Variants in SLC26A6 observed in about 807,000 individuals in gnomAD.
SLC26A6 encodes anion exchange transporter.
SLC26A6 carries 67 observed loss-of-function variants against 87.1 expected under a neutral mutation model. That is an observed-to-expected ratio of 0.77 (90% CI 0.63 to 0.94). The LOEUF (loss-of-function observed/expected upper bound fraction) is 0.94. Among genes scored for constraint, SLC26A6 ranks in the 40% least tolerant of loss-of-function variants. The pLI is 0.00. For missense variants in SLC26A6, 902 were observed against 973.0 expected (o/e 0.93, Z 0.97); for synonymous variants, 414 against 405.9 (o/e 1.02, Z -0.24).
chr3:48,632,065 G>C (rs772644086), intron 5 of SLC26A6, 21 bp from the exon 6 acceptor site: 1 of 1,612,352 alleles, frequency 6.2e-7, no homozygotes, highest in South Asian at 1.1e-5. Context: ...GCCAGGGGCA[G>C]TCAGGAGAGG....
rs761436116 is a variant in SLC26A6, at chr3:48,626,853, C to T, written c.2073+23G>A. Reference sequence around the variant, plus strand: ...AGGGTCAGTGTGGAAGCTCGAGGGGCCTTGGCCTGCCCCCGTCCTTACATT... The same window carrying T: ...AGGGTCAGTGTGGAAGCTCGAGGGGTCTTGGCCTGCCCCCGTCCTTACATT... On this transcript the variant is annotated intron_variant, in intron 18 of 20. Coordinates refer to ENST00000395550, the MANE Select transcript of SLC26A6 (RefSeq NM_022911.3). 57 of 1,609,172 alleles carry T rather than the reference C, an allele frequency of 3.5e-5. No individual in the cohort carries two copies. The African/African-American group carries it at 7.0e-4, about 20-fold the overall frequency.
At chr3:48,630,291 C>T in intron 11 of SLC26A6, 134 bp from the exon 12 acceptor site, 2 of 1,301,976 alleles carry the variant, frequency 1.5e-6, no homozygotes, top group South Asian at 1.4e-5. Flanking sequence ...CAGCCCCTGA[C>T]CCTTGTCTCC....
intron 7 of SLC26A6, 131 bp downstream of exon 7, chr3:48,631,494 ACCAACATAGGGGCTTTCTGCTGTG>A: frequency 8.7e-7 from 1 of 1,147,166 alleles, no homozygotes; most frequent in Non-Finnish European, 1.2e-6. Context: ...GCAGGAAGAA[ACCAACATAGGGGCTTTCTGCTGTG>A]CCCCCCACAA....
rs1575533217 is a variant in SLC26A6 at position 48,634,528 on chromosome 3, C to G, written c.23+843G>C. Among the ~76,000 whole-genome samples the G allele has an allele frequency of 5.3e-5, 8 of 152,260 alleles. 1 individual carries two copies. Among genetic ancestry groups the G allele is most frequent in the Admixed American group, 5.2e-4 (8 of 15,292 alleles). ...AGAGGGTTCTCACCTGGGGGGTACT[C>G]TCCCATAGAGAAAGCTCTGACCTCG... is the stretch of plus-strand genomic sequence containing the variant. On this transcript the variant is annotated intron_variant, in intron 1 of 20. Transcript: ENST00000395550.
At chr3:48,626,716 G>A (rs896334110) in intron 18 of SLC26A6, 31 bp from the exon 19 acceptor site, 15 of 1,613,482 alleles carry the variant, frequency 9.3e-6, no homozygotes, top group Non-Finnish European at 1.3e-5. Flanking sequence ...AGCCTCAGAG[G>A]GAGGCTCAGG....
chr3:48,630,942 T>C (rs1559467823), intron 9 of SLC26A6, 51 bp downstream of exon 9: 1 of 1,601,214 alleles, frequency 6.2e-7, no homozygotes, highest in Non-Finnish European at 8.5e-7. Context: ...CACCCGTTGC[T>C]GGCGCCTCCA....
At chr3:48,633,172 C>T (rs2046858322) in intron 3 of SLC26A6, 79 bp downstream of exon 3, 17 of 1,586,758 alleles carry the variant, frequency 1.1e-5, no homozygotes, top group Non-Finnish European at 1.5e-5. Context: ...TGCCATAGTT[C>T]CAAGGTAGAG....
chr3:48,630,618 CCCCGGTGCTCT>C lies in SLC26A6; in HGVS notation c.1226_1236del (p.Glu409GlyfsTer27), dbSNP rs1340656876. On this transcript the variant is annotated frameshift_variant, in exon 10 of 21. Coordinates refer to ENST00000395550, the MANE Select transcript of SLC26A6 (RefSeq NM_022911.3). LOFTEE classifies it high-confidence loss of function. Reference sequence around the variant, plus strand: ...CACCCAAAGCCCACCTGCGAGTTGCCCCCGGTGCTCTCCTGTACCAGGCTCCGAGACATAGA... The same window carrying C: ...CACCCAAAGCCCACCTGCGAGTTGCCCCTGTACCAGGCTCCGAGACATAGA... 1 of 1,581,694 alleles carries C rather than the reference CCCCGGTGCTCT, an allele frequency of 6.3e-7. No homozygotes were observed. The highest frequency in any genetic ancestry group is 1.3e-5 in the African/African-American group (1 of 74,260).
Position 48,632,283 on chromosome 3 carries a change from C to T in SLC26A6, c.547G>A (p.Val183Met), listed in dbSNP as rs1348332175. The change falls in exon 5 of 21, where the codon GTG (valine) becomes ATG (methionine). Residue 183 changes from valine (V) to methionine (M), a missense_variant. Transcript: ENST00000395550. ...ACCAGGACACTGAGTGTGGAGGCCA[C>T]CTGTACCCGGGCAGCATCTCTGGCT... Reference protein sequence around the residue: ...ETARDAARVQVASTLSVLVGL... With the variant: ...ETARDAARVQMASTLSVLVGL... 2.5e-6 allele frequency: 4 copies of T among 1,611,830 alleles called. No homozygotes were observed. The Admixed American group carries it at 5.0e-5, about 20-fold the overall frequency.
At chr3:48,631,464 A>G (rs891742622) in intron 7 of SLC26A6, 158 bp from the exon 8 acceptor site, 13 of 1,092,400 alleles carry the variant, frequency 1.2e-5, no homozygotes, top group African/African-American at 1.6e-5. Flanking sequence ...CATTTCGGCT[A>G]TGGGGAGATG....
In SLC26A6 at chr3:48,631,652, G is replaced by T; in HGVS notation, c.900C>A (p.Leu300=). 1 of 1,613,070 alleles carries T rather than the reference G, an allele frequency of 6.2e-7. No individual in the cohort carries two copies. The highest frequency in any genetic ancestry group is 1.1e-5 in the South Asian group (1 of 91,038). Residue 300 remains leucine, a synonymous_variant, in exon 7 of 21, where the codon CTC becomes CTA. Coordinates refer to ENST00000395550, the MANE Select transcript of SLC26A6 (RefSeq NM_022911.3). ...QLPMPIPGEL[L]TLIGATGISY... ...CTCCACTCCCTGGCCCTCGAACCGT[G>T]AGCAGCTCCCCGGGTATCGGCATGG...
intron 14 of SLC26A6, 86 bp downstream of exon 14, chr3:48,629,556 C>A: frequency 6.9e-7 from 1 of 1,439,984 alleles, no homozygotes; most frequent in Non-Finnish European, 9.4e-7. Context: ...CCCCAGTTCC[C>A]TGGCCAAGTG....
chr3:48,633,220 T>G, intron 3 of SLC26A6, 31 bp downstream of exon 3: 2 of 1,604,908 alleles, frequency 1.2e-6, no homozygotes, highest in Non-Finnish European at 8.5e-7. Context: ...GACCACAGGG[T>G]TTCCAGGCCG....
Position 48,627,114 on chromosome 3 carries a change from GCA to G in SLC26A6, c.1894-61_1894-60del, listed in dbSNP as rs1559464319. The G allele has an allele frequency of 4.5e-6, 7 of 1,568,320 alleles. No individual in the cohort carries two copies. In the South Asian group the frequency reaches 5.9e-5, roughly 13 times the overall value. ...TGAGAGAGTGAAGGCAGGACTGGCC[GCA>G]CACAGACACGCGAGAACACGCAAGG... On this transcript the variant is annotated intron_variant, in intron 17 of 20. Transcript: ENST00000395550.
At chr3:48,634,739 C>A (rs550800788) in intron 1 of SLC26A6, 10 of 985,420 alleles carry the variant, frequency 1.0e-5, no homozygotes, top group South Asian at 4.7e-5. Context: ...ACCTGGGAAG[C>A]GCCTCTAACC....
chr3:48,632,315 T>C lies in SLC26A6; in HGVS notation c.515A>G (p.Asn172Ser), dbSNP rs1172116858. ...APQALNDSMINETARDAARVQ... is the reference protein window; with the variant it reads ...APQALNDSMISETARDAARVQ... ...CCGGGCAGCATCTCTGGCTGTCTCA[T>C]TGATCATGGAGTCGTTCAAGGCCTG... The change falls in exon 5 of 21, where the codon AAT becomes AGT. Residue 172 changes from asparagine (N) to serine (S), a missense_variant. Around this residue, in one of 3 missense-constraint regions of SLC26A6, gnomAD observed 800 missense variants for 856.8 expected, o/e 0.93. Transcript: ENST00000395550. 1 of 1,613,248 alleles carries C rather than the reference T, an allele frequency of 6.2e-7. No individual in the cohort carries two copies.
In SLC26A6 at chr3:48,630,500, A is replaced by G. The variant is rs755248815; in HGVS notation, c.1264T>C (p.Ser422Pro). ...GGNSQVAGAISSLFILLIIVK... is the reference protein window; with the variant it reads ...GGNSQVAGAIPSLFILLIIVK... Reference sequence around the variant, plus strand: ...ATGATGAGGAGGATGAAAAGGGAAGAGATGGCTCCAGCAACCTGTTCGGGG... The same window carrying G: ...ATGATGAGGAGGATGAAAAGGGAAGGGATGGCTCCAGCAACCTGTTCGGGG... Residue 422 changes from serine to proline, a missense_variant, in exon 11 of 21, where the codon TCT becomes CCT. Around this residue, in one of 3 missense-constraint regions of SLC26A6, gnomAD observed 800 missense variants for 856.8 expected, o/e 0.93. Coordinates refer to ENST00000395550, the MANE Select transcript of SLC26A6 (RefSeq NM_022911.3). The G allele has an allele frequency of 1.9e-6, 3 of 1,561,218 alleles. No homozygotes were observed. In the Admixed American group the frequency reaches 5.7e-5, roughly 30 times the overall value.
Position 48,629,895 on chromosome 3 carries a change from C to G in SLC26A6, c.1506G>C (p.Leu502=). 1 of 1,614,142 alleles carries G rather than the reference C, an allele frequency of 6.2e-7. No individual in the cohort carries two copies. Among genetic ancestry groups the G allele is most frequent in the East Asian group, 2.2e-5 (1 of 44,886 alleles). Residue 502 remains leucine (L), a synonymous_variant, in exon 13 of 21, where the codon CTG becomes CTC. Transcript: ENST00000395550. ...GLVVAVIFSL[L]LVVVRTQMPH... Reference sequence around the variant, plus strand: ...ACATCTGTGTCCGGACCACCACGAGCAGCAGGGAGAAGATGACCGCAACCA... The same window carrying G: ...ACATCTGTGTCCGGACCACCACGAGGAGCAGGGAGAAGATGACCGCAACCA...
In SLC26A6 at chr3:48,629,713, T is replaced by A; in HGVS notation, c.1530-2A>T. ...TGCCCCAGGACAGAGTAGTGGGGCC[T>A]GTGAAGGAGAGAGAGAATGCACGAA... is the stretch of plus-strand genomic sequence containing the variant. On this transcript the variant is annotated splice_acceptor_variant, in intron 13 of 20. Transcript: ENST00000395550. LOFTEE classifies it high-confidence loss of function. 1 of 1,612,862 alleles carries A rather than the reference T, an allele frequency of 6.2e-7. No individual in the cohort carries two copies. Among genetic ancestry groups the A allele is most frequent in the Non-Finnish European group, 8.5e-7 (1 of 1,179,378 alleles).
Sources: allele counts gnomAD v4.1 joint callset (sites outside exome capture counted in the v4.1 genomes callset), GRCh38; gene constraint gnomAD v4.1.1; regional missense constraint gnomAD v4.1.1; transcripts MANE v1.5; gene names NCBI Gene and HGNC (gene_info 2026-07-23, HGNC 2026-07-21).